EYA2: variants seen among roughly 807,000 people sequenced by gnomAD.
EYA2 encodes EYA transcriptional coactivator and phosphatase 2.
EYA2 carries 31 observed loss-of-function variants against 69.2 expected under a neutral mutation model. That is an observed-to-expected ratio of 0.45 (90% CI 0.34 to 0.60). The LOEUF (loss-of-function observed/expected upper bound fraction) is 0.60, where lower values mean the gene tolerates loss of function less well. EYA2 is among the 20% of genes least tolerant of loss of function. The probability of loss-of-function intolerance (pLI) is 0.02; values close to 1 mark genes in which losing one functional copy is unlikely to be tolerated. For synonymous variants in EYA2, 257 were observed against 279.4 expected (o/e 0.92, Z 0.80); for missense variants, 622 against 701.2 (o/e 0.89, Z 1.28).
In EYA2 at chr20:47,074,190, C is replaced by A. The variant is rs1033490626; in HGVS notation, c.516C>A (p.Ser172Arg). The A allele has an allele frequency of 1.2e-6, 2 of 1,613,186 alleles. No homozygotes were observed. Among genetic ancestry groups the A allele is most frequent in the Non-Finnish European group, 1.7e-6 (2 of 1,179,426 alleles). The change falls in exon 7 of 16, where the codon AGC becomes AGA. Residue 172 changes from serine (S) to arginine (R), a missense_variant. By Grantham distance (110) the Ser-to-Arg change is moderately radical. Coordinates refer to ENST00000327619, the MANE Select transcript of EYA2 (RefSeq NM_005244.5). ...CTTCCTACCCCGGCTTCCCCCAGAGCCAGTACCCCCAGTATTACGGCTCAT... is the reference window on the plus strand; with the variant it reads ...CTTCCTACCCCGGCTTCCCCCAGAGACAGTACCCCCAGTATTACGGCTCAT... ...DYPSYPGFPQ[S>R]QYPQYYGSSY...
chr20:47,125,658 C>G (rs192760390), intron 9 of EYA2, among the ~76,000 whole-genome samples: 6 of 152,302 alleles, frequency 3.9e-5, no homozygotes, highest in African/African-American at 1.4e-4. Flanking sequence ...TGGCAAAGCT[C>G]TCTGTTGTGT....
At chr20:47,110,342 A>G (rs181198230) in intron 9 of EYA2, among the ~76,000 whole-genome samples, 1 of 152,312 alleles carries the variant, frequency 6.6e-6, no homozygotes, top group Admixed American at 6.5e-5. Context: ...CCTGGGATCA[A>G]GCAATCCTCT....
intron 4 of EYA2, among the ~76,000 whole-genome samples, chr20:47,014,586 C>T (rs185189291): frequency 1.9e-4 from 28 of 150,566 alleles, no homozygotes; most frequent in Admixed American, 1.3e-3. Flanking sequence ...ATTCCAGCTA[C>T]TGGGAATTTA....
chr20:47,107,519 C>A (rs1426216542), intron 9 of EYA2, among the ~76,000 whole-genome samples: 1 of 67,970 alleles, frequency 1.5e-5, no homozygotes, highest in African/African-American at 5.8e-5. Context: ...GAGTGAGACT[C>A]TGTATCAAAA....
At chr20:46,969,857 A>T (rs565092060) in intron 1 of EYA2, among the ~76,000 whole-genome samples, 1 of 152,298 alleles carries the variant, frequency 6.6e-6, no homozygotes, top group Non-Finnish European at 1.5e-5. Flanking sequence ...TCCCTCCACC[A>T]TTTGTGTACA....
chr20:47,188,448 G>T lies in EYA2; in HGVS notation c.*315G>T. On this transcript the variant is annotated 3_prime_UTR_variant, in exon 16 of 16. Transcript: ENST00000327619. The stretch of plus-strand genomic sequence containing the variant: ...TTGGGGGGTGCCTGGTGATGAGGAG[G>T]GGATGGGTTTGTCTTGTCTTCTTTT... The T allele has an allele frequency of 1.8e-6, 1 of 558,448 alleles. No homozygotes were observed. Among genetic ancestry groups the T allele is most frequent in the South Asian group, 2.8e-5 (1 of 36,260 alleles). The allele number at this position is 558,448 out of a possible 1,614,324, so 34.6% of individuals were successfully genotyped here.
chr20:47,168,919 A>C (rs936152249), intron 10 of EYA2, among the ~76,000 whole-genome samples: 1 of 152,136 alleles, frequency 6.6e-6, no homozygotes, highest in Non-Finnish European at 1.5e-5. Flanking sequence ...CTTGCAGTCA[A>C]CCTGCTCATT....
intron 1 of EYA2, among the ~76,000 whole-genome samples, chr20:46,949,530 G>T (rs1978673817): frequency 6.6e-6 from 1 of 152,212 alleles, no homozygotes. Context: ...GATCAGGGTT[G>T]CTGATGCAGT....
In EYA2 at chr20:47,188,258, C is replaced by A; in HGVS notation, c.*125C>A. The A allele has an allele frequency of 2.4e-6, 2 of 831,790 alleles. No homozygotes were observed. The highest frequency in any genetic ancestry group is 1.5e-5 in the South Asian group (1 of 65,002). 51.5% of individuals were successfully genotyped at this position (831,790 alleles called of 1,614,324 possible). A position where few individuals can be genotyped will look rare whatever the true frequency, so the allele number is the denominator to read the frequency against. On this transcript the variant is annotated 3_prime_UTR_variant, in exon 16 of 16. Coordinates refer to ENST00000327619, the MANE Select transcript of EYA2 (RefSeq NM_005244.5). Reference sequence around the variant, plus strand: ...GGAAGGGGCCCCACAGCCGAGACGACGTGTCCAGTGACCATCTCAGAAGCC... The same window carrying A: ...GGAAGGGGCCCCACAGCCGAGACGAAGTGTCCAGTGACCATCTCAGAAGCC...
intron 5 of EYA2, among the ~76,000 whole-genome samples, chr20:47,029,678 A>G (rs891152443): frequency 6.6e-6 from 1 of 152,168 alleles, no homozygotes; most frequent in Non-Finnish European, 1.5e-5. Context: ...CATTTTGCCC[A>G]TATCACCCAA....
intron 5 of EYA2, among the ~76,000 whole-genome samples, chr20:47,027,085 A>C (rs557172890): frequency 3.9e-5 from 6 of 152,388 alleles, no homozygotes; most frequent in African/African-American, 1.4e-4. Flanking sequence ...GGAACCACAC[A>C]GATCACCTCC....
At chr20:47,012,321 T>C (rs1983119578) in intron 4 of EYA2, among the ~76,000 whole-genome samples, 1 of 152,210 alleles carries the variant, frequency 6.6e-6, no homozygotes, top group Non-Finnish European at 1.5e-5. Context: ...ATGAGATCAG[T>C]CTGTCCCCAG....
At chr20:47,103,144 G>A (rs984461348) in intron 9 of EYA2, among the ~76,000 whole-genome samples, 2 of 152,034 alleles carry the variant, frequency 1.3e-5, no homozygotes, top group African/African-American at 4.8e-5. Flanking sequence ...CTTTCGATGT[G>A]TACAATTCAG....
intron 9 of EYA2, among the ~76,000 whole-genome samples, chr20:47,109,794 C>T (rs2032697250): frequency 6.6e-6 from 1 of 152,160 alleles, no homozygotes; most frequent in Non-Finnish European, 1.5e-5. Flanking sequence ...TTGACATTCC[C>T]CATTTTTGGG....
intron 5 of EYA2, among the ~76,000 whole-genome samples, chr20:47,045,029 C>T (rs1404784212): frequency 1.3e-5 from 2 of 152,170 alleles, no homozygotes; most frequent in Non-Finnish European, 2.9e-5. Context: ...AAATACTAAG[C>T]CCAGTGTATG....
At chr20:47,084,922 A>G (rs1009968458) in intron 7 of EYA2, among the ~76,000 whole-genome samples, 1 of 150,452 alleles carries the variant, frequency 6.6e-6, no homozygotes, top group South Asian at 2.1e-4. Context: ...TGCAGCCTCA[A>G]CCTCCTGGGC....
chr20:47,095,610 A>G (rs906310755), intron 8 of EYA2, among the ~76,000 whole-genome samples: 2 of 152,200 alleles, frequency 1.3e-5, no homozygotes, highest in East Asian at 1.9e-4. Context: ...GGTAAAACCT[A>G]CAAGGACTGA....
Position 47,074,395 on chromosome 20 carries a change from G to A in EYA2, c.661+60G>A, listed in dbSNP as rs906474355. On this transcript the variant is annotated intron_variant, in intron 7 of 15. Coordinates refer to ENST00000327619, the MANE Select transcript of EYA2 (RefSeq NM_005244.5). ...GTGGTCTGAGAGCTTCTATGAAGGA[G>A]GGACCCGCACATGGGTCCCAATTGT... 6 of 1,557,924 alleles carry A rather than the reference G, an allele frequency of 3.9e-6. No homozygotes were observed. In the African/African-American group the frequency reaches 4.1e-5, roughly 11 times the overall value.
chr20:47,074,075 A>G, intron 6 of EYA2, 83 bp from the exon 7 acceptor site: 1 of 1,314,946 alleles, frequency 7.6e-7, no homozygotes, highest in Admixed American at 2.3e-5. Flanking sequence ...TCTAATGGTG[A>G]GACAGAGTGG....
Sources: allele counts gnomAD v4.1 joint callset (sites outside exome capture counted in the v4.1 genomes callset), GRCh38; gene constraint gnomAD v4.1.1; transcripts MANE v1.5; gene names NCBI Gene and HGNC (gene_info 2026-07-23, HGNC 2026-07-21).